The following PDE4D variants were observed in gnomAD, a reference collection of about 807,000 sequenced individuals.
PDE4D encodes phosphodiesterase 4D.
A neutral mutation model predicts 87.4 loss-of-function variants in PDE4D; 24 were observed. That is an observed-to-expected ratio of 0.27 (90% CI 0.20 to 0.39). PDE4D has a LOEUF of 0.39. Ranked by LOEUF, PDE4D falls within the 10% of genes least tolerant of loss-of-function variation. The probability of loss-of-function intolerance (pLI) is 1.00; values close to 1 mark genes in which losing one functional copy is unlikely to be tolerated. For missense variants in PDE4D, 714 were observed against 1,041.0 expected (o/e 0.69, Z 4.32); for synonymous variants, 384 against 383.2 (o/e 1.00, Z -0.02).
intron 1 of PDE4D, among the ~76,000 whole-genome samples, chr5:59,752,550 A>G (rs1760626823): frequency 6.6e-6 from 1 of 152,176 alleles, no homozygotes; most frequent in East Asian, 1.9e-4. Context: ...TCCCCTTCAC[A>G]AAATTTACTC....
chr5:59,493,445 T>A (rs1347042148), intron 1 of PDE4D, among the ~76,000 whole-genome samples: 1 of 152,208 alleles, frequency 6.6e-6, no homozygotes, highest in Non-Finnish European at 1.5e-5. Context: ...GGTAAACAGT[T>A]CAATATACTG....
chr5:58,993,228 G>A (rs551745820), intron 7 of PDE4D, 144 bp downstream of exon 7: 27 of 520,536 alleles, frequency 5.2e-5, no homozygotes, highest in African/African-American at 3.6e-4. Context: ...GGATAGTGTC[G>A]AATTATTAAT....
chr5:60,322,402 ACACACACACAC>A lies in PDE4D; in HGVS notation c.-89-136726_-89-136716del, dbSNP rs1562323110. 5.6e-4 allele frequency among the ~76,000 whole-genome samples: 80 copies of A among 142,526 alleles called. 1 individual carries two copies. In the East Asian group the frequency reaches 7.8e-3, roughly 14 times the overall value. The allele number at this position is 142,526 out of a possible 152,430, so 93.5% of individuals were successfully genotyped here. On this transcript the variant is annotated intron_variant, in intron 1 of 16. Coordinates refer to the PDE4D transcript ENST00000502484. Reference sequence around the variant, plus strand: ...CACACACACACACACACACACACACACACACACACACACAAAACCCTAACATATTTCAAACT... The same window carrying A: ...CACACACACACACACACACACACACAACAAAACCCTAACATATTTCAAACT...
At chr5:60,211,454 G>T (rs1026492305) in intron 1 of PDE4D, among the ~76,000 whole-genome samples, 1 of 142,396 alleles carries the variant, frequency 7.0e-6, no homozygotes, top group Non-Finnish European at 1.5e-5. Context: ...AAGAATCTTG[G>T]GGGGGTGGGG....
At chr5:59,821,157 CAGG>C (rs948944405) in intron 1 of PDE4D, among the ~76,000 whole-genome samples, 11 of 151,996 alleles carry the variant, frequency 7.2e-5, no homozygotes, top group African/African-American at 2.4e-4. Context: ...CACTTGAACC[CAGG>C]AGGCGGAGAT....
chr5:59,829,776 G>C lies in PDE4D; in HGVS notation c.455+63392C>G, dbSNP rs1313160004. ...ATTTTTTACTAGTCTATTTAAGTAG[G>C]TTTTTATTTGTTATTTGCATTTCCC... is the stretch of plus-strand genomic sequence containing the variant. On this transcript the variant is annotated intron_variant, in intron 1 of 14. Coordinates refer to ENST00000340635, the MANE Select transcript of PDE4D (RefSeq NM_001104631.2). Among the ~76,000 whole-genome samples, 3 of 151,882 alleles carry C rather than the reference G, an allele frequency of 2.0e-5. No individual in the cohort carries two copies. The East Asian group carries it at 5.8e-4, about 29-fold the overall frequency.
intron 5 of PDE4D, among the ~76,000 whole-genome samples, chr5:59,110,845 C>T (rs564220206): frequency 9.9e-5 from 15 of 152,142 alleles, no homozygotes; most frequent in Admixed American, 2.6e-4. Flanking sequence ...ACACCCCAGA[C>T]TGGGCATCAG....
chr5:60,503,113 C>G (rs543757103), intron 1 of PDE4D, among the ~76,000 whole-genome samples: 34 of 152,142 alleles, frequency 2.2e-4, no homozygotes, highest in African/African-American at 8.2e-4. Flanking sequence ...TGTGGATTGA[C>G]TATCTGGAGT....
chr5:60,047,208 G>A (rs1481503598), intron 2 of PDE4D, among the ~76,000 whole-genome samples: 4 of 152,146 alleles, frequency 2.6e-5, no homozygotes, highest in Non-Finnish European at 5.9e-5. Context: ...CGGATTGGTG[G>A]TGATATCCCC....
chr5:59,011,711 C>T (rs1752849113), intron 6 of PDE4D, among the ~76,000 whole-genome samples: 1 of 152,170 alleles, frequency 6.6e-6, no homozygotes, highest in African/African-American at 2.4e-5. Flanking sequence ...GAGAATGGAA[C>T]CAAGTTGGAA....
intron 1 of PDE4D, among the ~76,000 whole-genome samples, chr5:60,266,942 C>A (rs999284210): frequency 1.3e-5 from 2 of 152,154 alleles, no homozygotes; most frequent in African/African-American, 2.4e-5. Flanking sequence ...GAAAAGTGCA[C>A]GTGTATTATC....
chr5:59,261,579 C>G (rs1762019683), intron 1 of PDE4D, among the ~76,000 whole-genome samples: 1 of 151,686 alleles, frequency 6.6e-6, no homozygotes, highest in Admixed American at 6.6e-5. Flanking sequence ...GAAATAATGC[C>G]TTATATTCAT....
intron 1 of PDE4D, among the ~76,000 whole-genome samples, chr5:60,509,560 TC>T (rs1216033855): frequency 3.3e-5 from 5 of 152,222 alleles, no homozygotes; most frequent in South Asian, 2.1e-4. Context: ...GCACCTGAGT[TC>T]CCCCTCCAAT....
At chr5:60,268,089 C>T (rs956739295) in intron 1 of PDE4D, among the ~76,000 whole-genome samples, 1 of 152,156 alleles carries the variant, frequency 6.6e-6, no homozygotes, top group Non-Finnish European at 1.5e-5. Context: ...AGAACCGCTA[C>T]AGCACCAAGC....
intron 1 of PDE4D, among the ~76,000 whole-genome samples, chr5:59,810,364 A>G (rs1045339088): frequency 3.3e-5 from 5 of 152,188 alleles, no homozygotes; most frequent in African/African-American, 9.7e-5. Context: ...GTTCATGCCC[A>G]TTTTTACGTA....
intron 2 of PDE4D, among the ~76,000 whole-genome samples, chr5:59,194,214 C>T (rs1744952855): frequency 6.6e-6 from 1 of 152,214 alleles, no homozygotes; most frequent in Non-Finnish European, 1.5e-5. Context: ...AGTTGTGCAA[C>T]ATTCCAGTTA....
chr5:59,590,693 G>A (rs1485260518), intron 1 of PDE4D, among the ~76,000 whole-genome samples: 1 of 151,992 alleles, frequency 6.6e-6, no homozygotes, highest in African/African-American at 2.4e-5. Context: ...AGACTGGTTT[G>A]TTGTTTTGTT....
At chr5:60,134,287 A>G (rs1221267832) in intron 2 of PDE4D, among the ~76,000 whole-genome samples, 1 of 152,142 alleles carries the variant, frequency 6.6e-6, no homozygotes, top group East Asian at 1.9e-4. Flanking sequence ...ACTTGAGGCC[A>G]GGAGTTTGAG....
At chr5:59,274,220 T>C (rs889363794) in intron 1 of PDE4D, among the ~76,000 whole-genome samples, 1 of 152,150 alleles carries the variant, frequency 6.6e-6, no homozygotes, top group Non-Finnish European at 1.5e-5. Context: ...GCACGTGTTA[T>C]TTTGTAAGAA....
Sources: allele counts gnomAD v4.1 joint callset (sites outside exome capture counted in the v4.1 genomes callset), GRCh38; gene constraint gnomAD v4.1.1; transcripts MANE v1.5; gene names NCBI Gene and HGNC (gene_info 2026-07-23, HGNC 2026-07-21).